Variants in BICD2 observed in about 807,000 individuals in gnomAD.
BICD2 encodes the protein protein bicaudal D homolog 2.
BICD2 carries 25 observed loss-of-function variants against 72.9 expected under a neutral mutation model. The ratio of observed to expected loss-of-function variants is 0.34; its 90% CI spans 0.25 to 0.48. BICD2 has a LOEUF of 0.48. Ranked by LOEUF, BICD2 falls within the 20% of genes least tolerant of loss-of-function variation. The pLI is 0.99. For synonymous variants in BICD2, 501 were observed against 516.1 expected (o/e 0.97, Z 0.40); for missense variants, 894 against 1,175.2 (o/e 0.76, Z 3.50).
rs573861187 is a variant in BICD2, at chr9:92,718,907, G to T, written c.1738C>A (p.Arg580=). Residue 580 remains arginine, a synonymous_variant, in exon 5 of 7, where the codon CGG becomes AGG. Coordinates refer to ENST00000356884, the MANE Select transcript of BICD2 (RefSeq NM_001003800.2). ...TTGGGTAGGAGGATGGGTGAGCGCCGGCCACGCGCCTCGGGGCTGGTGCGG... is the reference window on the plus strand; with the variant it reads ...TTGGGTAGGAGGATGGGTGAGCGCCTGCCACGCGCCTCGGGGCTGGTGCGG... ...GGRTSPEARG[R]RSPILLPKGL... is the part of the protein sequence containing the mutation. 1 of 1,601,900 alleles carries T rather than the reference G, an allele frequency of 6.2e-7. No homozygotes were observed. Among genetic ancestry groups the T allele is most frequent in the African/African-American group, 1.3e-5 (1 of 74,824 alleles).
In BICD2 at chr9:92,748,463, A is replaced by C. The variant is rs75758065; in HGVS notation, c.240+16042T>G. Among the ~76,000 whole-genome samples, 1,218 of 152,200 alleles carry C rather than the reference A, an allele frequency of 8.0e-3. 23 individuals are homozygous for C. The highest frequency in any genetic ancestry group is 0.028 in the African/African-American group (1,151 of 41,514). ...TGGCCCCTGAGCTTTAGAATTTTTG[A>C]AAGTCCCCCAGTGACCCTGGGGTAC... On this transcript the variant is annotated intron_variant, in intron 1 of 6. Coordinates refer to ENST00000356884, the MANE Select transcript of BICD2 (RefSeq NM_001003800.2).
At chr9:92,717,712 G>A in intron 6 of BICD2, 85 bp downstream of exon 6, 5 of 1,463,656 alleles carry the variant, frequency 3.4e-6, no homozygotes, top group Middle Eastern at 2.5e-4. Context: ...TCAGCATGAG[G>A]CAGTGAGAGG....
Position 92,714,411 on chromosome 9 carries a change from G to C in BICD2, c.*743C>G. On this transcript the variant is annotated 3_prime_UTR_variant, in exon 7 of 7. Coordinates refer to ENST00000356884, the MANE Select transcript of BICD2 (RefSeq NM_001003800.2). ...TTTTCTCATGAAAAATGAAAACCTG[G>C]GGCCTTGGGCCCTGCCAATCTGTCA... 1 of 985,464 alleles carries C rather than the reference G, an allele frequency of 1.0e-6. No individual in the cohort carries two copies. The highest frequency in any genetic ancestry group is 1.2e-6 in the Non-Finnish European group (1 of 829,964). 61.0% of individuals were successfully genotyped at this position (985,464 alleles called of 1,614,324 possible). A position where few individuals can be genotyped will look rare whatever the true frequency, so the allele number is the denominator to read the frequency against.
In BICD2 at chr9:92,719,265, G is replaced by A. The variant is rs922441020; in HGVS notation, c.1380C>T (p.His460=). ...CGGCGTGCTGGGCCTCACGAGCCTC[G>A]TGCGTGCTGCGCAGTGCCTTGAGCT... ...REQLKALRST[H]EAREAQHAEE... Residue 460 remains histidine (H), a synonymous_variant, in exon 5 of 7, where the codon CAC becomes CAT. Coordinates refer to ENST00000356884, the MANE Select transcript of BICD2 (RefSeq NM_001003800.2). 25 of 1,613,538 alleles carry A rather than the reference G, an allele frequency of 1.5e-5. No individual in the cohort carries two copies. The highest frequency in any genetic ancestry group is 1.6e-4 in the Middle Eastern group (1 of 6,062).
In BICD2 at chr9:92,732,362, T is replaced by C. The variant is rs190228910; in HGVS notation, c.241-3126A>G. Among the ~76,000 whole-genome samples, 14 of 152,218 alleles carry C rather than the reference T, an allele frequency of 9.2e-5. No individual in the cohort carries two copies. In the East Asian group the frequency reaches 2.7e-3, roughly 29 times the overall value. On this transcript the variant is annotated intron_variant, in intron 1 of 6. Coordinates refer to ENST00000356884, the MANE Select transcript of BICD2 (RefSeq NM_001003800.2). ...TCAAGAAGCCTTATGTAAGGAGTAA[T>C]TGGAGTACCCAAAGGAGAAAAAGGG...
At position 92,713,459 on chromosome 9, in the gene BICD2, C is replaced by T. The variant is rs777468137; in HGVS notation, c.*1695G>A. The T allele has an allele frequency of 3.1e-6, 5 of 1,590,646 alleles. No homozygotes were observed. The highest frequency in any genetic ancestry group is 4.3e-6 in the Non-Finnish European group (5 of 1,167,576). ...CCAAGTCCTCCTGGCAGCTACTCTA[C>T]AGCTGAAAACGGGAGAAAAGAGAGC... On this transcript the variant is annotated 3_prime_UTR_variant, in exon 7 of 7. Transcript: ENST00000356884.
Position 92,713,225 on chromosome 9 carries a change from T to C in BICD2, c.*1929A>G. Reference sequence around the variant, plus strand: ...CCAGGGAAGAAGGGTCTTCGGCCCATACAGAGGCCTTTCCACGCAGCAGCT... The same window carrying C: ...CCAGGGAAGAAGGGTCTTCGGCCCACACAGAGGCCTTTCCACGCAGCAGCT... On this transcript the variant is annotated 3_prime_UTR_variant, in exon 7 of 7. Transcript: ENST00000356884. 3.4e-6 allele frequency: 2 copies of C among 580,258 alleles called. No homozygotes were observed. The highest frequency in any genetic ancestry group is 6.1e-6 in the Non-Finnish European group (2 of 330,446). The allele number at this position is 580,258 out of a possible 1,614,324, so 35.9% of individuals were successfully genotyped here. A position where few individuals can be genotyped will look rare whatever the true frequency, so the allele number is the denominator to read the frequency against.
intron 1 of BICD2, among the ~76,000 whole-genome samples, chr9:92,746,812 AG>A (rs1854023520): frequency 6.6e-6 from 1 of 152,228 alleles, no homozygotes; most frequent in African/African-American, 2.4e-5. Flanking sequence ...GGACAGGAAG[AG>A]TCTGAGCACT....
At position 92,713,067 on chromosome 9, in the gene BICD2, C is replaced by T. The variant is rs910965260; in HGVS notation, c.*2087G>A. The T allele has an allele frequency of 3.8e-5, 8 of 211,864 alleles. No individual in the cohort carries two copies. The highest frequency in any genetic ancestry group is 5.8e-5 in the Non-Finnish European group (6 of 103,206). The allele number at this position is 211,864 out of a possible 1,614,324, so 13.1% of individuals were successfully genotyped here. A position where few individuals can be genotyped will look rare whatever the true frequency, so the allele number is the denominator to read the frequency against. ...ACCACGGCACCTGAGACCGTCTCTA[C>T]GCGAGGAATTAAGGAAGCAAATATA... On this transcript the variant is annotated 3_prime_UTR_variant, in exon 7 of 7. Coordinates refer to ENST00000356884, the MANE Select transcript of BICD2 (RefSeq NM_001003800.2).
rs1587664480 is a variant in BICD2, at chr9:92,713,208, G to A, written c.*1946C>T. 2.0e-6 allele frequency: 1 copy of A among 495,854 alleles called. No individual in the cohort carries two copies. The highest frequency in any genetic ancestry group is 3.2e-5 in the East Asian group (1 of 31,674). The allele number at this position is 495,854 out of a possible 1,614,324, so 30.7% of individuals were successfully genotyped here. On this transcript the variant is annotated 3_prime_UTR_variant, in exon 7 of 7. Coordinates refer to ENST00000356884, the MANE Select transcript of BICD2 (RefSeq NM_001003800.2). ...CCTGGCGAGCCTGGCAGCCAGGGAA[G>A]AAGGGTCTTCGGCCCATACAGAGGC...
Position 92,715,774 on chromosome 9 carries a change from C to G in BICD2, c.2259-311G>C, listed in dbSNP as rs544284245. ...TTTGCTCTTTCAGCTGCATGTAGTG[C>G]TTACAAACAGGCTATGCCCCTCAGC... On this transcript the variant is annotated intron_variant, in intron 6 of 6. Coordinates refer to ENST00000356884, the MANE Select transcript of BICD2 (RefSeq NM_001003800.2). Among the ~76,000 whole-genome samples the G allele has an allele frequency of 1.9e-4, 29 of 152,322 alleles. No homozygotes were observed. The East Asian group carries it at 5.4e-3, about 28-fold the overall frequency.
At chr9:92,758,653 C>G (rs1208166352) in intron 1 of BICD2, among the ~76,000 whole-genome samples, 1 of 150,716 alleles carries the variant, frequency 6.6e-6, no homozygotes, top group African/African-American at 2.4e-5. Context: ...GAGTTCGAGA[C>G]CAGCCTGACC....
At chr9:92,734,310 G>A (rs1206072139) in intron 1 of BICD2, among the ~76,000 whole-genome samples, 3 of 152,080 alleles carry the variant, frequency 2.0e-5, no homozygotes, top group South Asian at 2.1e-4. Context: ...CCAGGAGTTC[G>A]AGACCATCCT....
chr9:92,742,697 T>C (rs1853921990), intron 1 of BICD2, among the ~76,000 whole-genome samples: 1 of 151,930 alleles, frequency 6.6e-6, no homozygotes, highest in Non-Finnish European at 1.5e-5. Flanking sequence ...TCCACATTTC[T>C]ATCACCCCCC....
chr9:92,726,082 G>A (rs1853562621), intron 2 of BICD2, among the ~76,000 whole-genome samples: 1 of 152,154 alleles, frequency 6.6e-6, no homozygotes, highest in Non-Finnish European at 1.5e-5. Context: ...CACATGTAGG[G>A]CCCACACATA....
At chr9:92,718,493 T>C in intron 5 of BICD2, 46 bp downstream of exon 5, 1 of 1,567,978 alleles carries the variant, frequency 6.4e-7, no homozygotes, top group Non-Finnish European at 8.6e-7. Flanking sequence ...GAAACACCCT[T>C]AGGCCAGTAG....
intron 2 of BICD2, among the ~76,000 whole-genome samples, chr9:92,726,115 T>C (rs1490054298): frequency 6.6e-6 from 1 of 152,168 alleles, no homozygotes; most frequent in Non-Finnish European, 1.5e-5. Context: ...AGTCAGGATC[T>C]GAGAAGCACC....
chr9:92,719,277 C>T lies in BICD2; in HGVS notation c.1368G>A (p.Leu456=), dbSNP rs766768573. The change falls in exon 5 of 7, where the codon CTG becomes CTA. Residue 456 remains leucine, a synonymous_variant. Coordinates refer to ENST00000356884, the MANE Select transcript of BICD2 (RefSeq NM_001003800.2). ...AGELREQLKA[L]RSTHEAREAQ... is the part of the protein sequence containing the mutation. Reference sequence around the variant, plus strand: ...CCTCACGAGCCTCGTGCGTGCTGCGCAGTGCCTTGAGCTGCTCGCGGAGCT... The same window carrying T: ...CCTCACGAGCCTCGTGCGTGCTGCGTAGTGCCTTGAGCTGCTCGCGGAGCT... 2 of 1,613,880 alleles carry T rather than the reference C, an allele frequency of 1.2e-6. No homozygotes were observed. The highest frequency in any genetic ancestry group is 2.2e-5 in the South Asian group (2 of 91,082).
At chr9:92,737,389 A>G (rs10992441) in intron 1 of BICD2, among the ~76,000 whole-genome samples, 41,808 of 151,972 alleles carry the variant, frequency 0.28, 6,864 homozygotes, top group East Asian at 0.76. Context: ...GATGCCCAAG[A>G]AGGAGGCAAC....
Sources: gnomAD v4.1 joint callset for allele counts (sites outside exome capture counted in the v4.1 genomes callset) on GRCh38, gnomAD v4.1.1 for gene constraint, MANE v1.5 for transcripts, NCBI Gene and HGNC (gene_info 2026-07-23, HGNC 2026-07-21) for gene names.